ENOX2: variants seen among roughly 807,000 people sequenced by gnomAD.
ENOX2 encodes APK1 antigen.
In ENOX2, 36 loss-of-function variants were observed where a neutral mutation model predicts 45.0. The ratio of observed to expected loss-of-function variants is 0.80; its 90% confidence interval spans 0.61 to 1.06. The LOEUF is 1.06. Among genes scored for constraint, ENOX2 ranks in the 50% least tolerant of loss-of-function variants. The pLI is 0.00. For synonymous variants in ENOX2, 174 were observed against 152.3 expected (o/e 1.14, Z -1.05); for missense variants, 423 against 462.5 (o/e 0.91, Z 0.78).
chrX:130,860,025 G>T (rs938577311), intron 2 of ENOX2, among the ~76,000 whole-genome samples: 1 of 108,516 alleles, frequency 9.2e-6, no homozygotes, highest in South Asian at 4.1e-4. Context: ...GCACGATCTC[G>T]GCTCACTGCA....
intron 2 of ENOX2, among the ~76,000 whole-genome samples, chrX:130,897,601 T>G (rs1229263232): frequency 8.9e-6 from 1 of 112,240 alleles, no homozygotes; most frequent in Non-Finnish European, 1.9e-5. Flanking sequence ...TGGCATAAAA[T>G]AGCTAATCCA....
At chrX:130,768,962 TC>T (rs369844315) in intron 3 of ENOX2, among the ~76,000 whole-genome samples, 362 of 111,512 alleles carry the variant, frequency 3.2e-3, no homozygotes, top group African/African-American at 0.011. Context: ...AGATTCATAG[TC>T]TTTTTTTTAA....
chrX:130,855,519 G>A (rs1014240885), intron 2 of ENOX2, among the ~76,000 whole-genome samples: 4 of 111,533 alleles, frequency 3.6e-5, no homozygotes, highest in African/African-American at 6.5e-5. Flanking sequence ...TCAAAATGAC[G>A]TATTGGTTAA....
In ENOX2 at chrX:130,632,365, G is replaced by GGGGC. The variant is rs1556405704; in HGVS notation, c.1420-790_1420-789insGCCC. 5.0e-3 allele frequency among the ~76,000 whole-genome samples: 27 copies of GGGGC among 5,381 alleles called. 2 individuals are homozygous for GGGGC. In the East Asian group the frequency reaches 0.074, roughly 15 times the overall value. 4.7% of individuals were successfully genotyped at this position (5,381 alleles called of 115,157 possible). Reference sequence around the variant, plus strand: ...CTTTCAGAATGTAGCAGGAAGGGGCGGGGGGGGGGGGTGGTCCTAAGAGAA... The same window carrying GGGGC: ...CTTTCAGAATGTAGCAGGAAGGGGCGGGGCGGGGGGGGGGGTGGTCCTAAGAGAA... On this transcript the variant is annotated intron_variant, in intron 12 of 14. Coordinates refer to ENST00000394363, the MANE Select transcript of ENOX2 (RefSeq NM_006375.4).
intron 3 of ENOX2, among the ~76,000 whole-genome samples, chrX:130,714,133 C>T (rs1301097049): frequency 8.9e-6 from 1 of 111,913 alleles, no homozygotes; most frequent in East Asian, 2.8e-4. Flanking sequence ...AACCCCACAT[C>T]AGTCCTGGGG....
At chrX:130,826,729 GA>G (rs1165291722) in intron 2 of ENOX2, among the ~76,000 whole-genome samples, 14 of 111,873 alleles carry the variant, frequency 1.3e-4, no homozygotes, top group African/African-American at 4.2e-4. Context: ...AGTGAAGGAA[GA>G]AAATCCTAGA....
intron 2 of ENOX2, among the ~76,000 whole-genome samples, chrX:130,795,416 A>G (rs1265070395): frequency 8.9e-6 from 1 of 112,226 alleles, no homozygotes; most frequent in Non-Finnish European, 1.9e-5. Flanking sequence ...TGTATAAAAA[A>G]AAAGTAGGAT....
chrX:130,816,079 A>G (rs888068638), intron 2 of ENOX2, among the ~76,000 whole-genome samples: 2 of 111,576 alleles, frequency 1.8e-5, no homozygotes, highest in African/African-American at 3.3e-5. Context: ...AAGCAAAACA[A>G]AAACAAACAA....
At chrX:130,691,828 A>C (rs1337862442) in intron 4 of ENOX2, among the ~76,000 whole-genome samples, 10 of 112,944 alleles carry the variant, frequency 8.9e-5, no homozygotes, top group African/African-American at 3.2e-4. Context: ...TTGGCTGAGA[A>C]GGAAATGTCT....
At chrX:130,790,861 T>C (rs182386845) in intron 2 of ENOX2, among the ~76,000 whole-genome samples, 187 of 112,866 alleles carry the variant, frequency 1.7e-3, no homozygotes, top group Admixed American at 0.015. Flanking sequence ...ATTGGTTGTT[T>C]AGGATGTGCT....
intron 3 of ENOX2, among the ~76,000 whole-genome samples, chrX:130,710,526 A>G (rs1324644038): frequency 1.8e-5 from 2 of 111,594 alleles, no homozygotes; most frequent in Non-Finnish European, 3.8e-5. Flanking sequence ...TCTGCTAAAC[A>G]TCCTACAATG....
chrX:130,748,907 C>T (rs1165046906), intron 3 of ENOX2, among the ~76,000 whole-genome samples: 1 of 111,567 alleles, frequency 9.0e-6, no homozygotes, highest in Non-Finnish European at 1.9e-5. Context: ...GCTGTCTTAG[C>T]AAAGCACAAA....
intron 3 of ENOX2, among the ~76,000 whole-genome samples, chrX:130,754,221 C>T (rs887702459): frequency 9.0e-6 from 1 of 111,520 alleles, no homozygotes; most frequent in African/African-American, 3.3e-5. Context: ...TGGAAAAAGA[C>T]AAAAAAGAAG....
At chrX:130,661,397 C>A (rs2036684505) in intron 9 of ENOX2, among the ~76,000 whole-genome samples, 1 of 110,275 alleles carries the variant, frequency 9.1e-6, no homozygotes, top group African/African-American at 3.3e-5. Context: ...CCATGTTGCC[C>A]AAGCTGGTCT....
intron 3 of ENOX2, among the ~76,000 whole-genome samples, chrX:130,720,279 T>C (rs2038441413): frequency 8.9e-6 from 1 of 112,400 alleles, no homozygotes; most frequent in African/African-American, 3.2e-5. Context: ...CAGGTCGATA[T>C]TGATGGGCTT....
chrX:130,784,005 T>C (rs778827078), intron 2 of ENOX2, among the ~76,000 whole-genome samples: 1 of 112,094 alleles, frequency 8.9e-6, no homozygotes, highest in South Asian at 3.8e-4. Flanking sequence ...CCACTGTTCC[T>C]TGTAAAAAGT....
chrX:130,883,511 C>T (rs1343638330), intron 2 of ENOX2, among the ~76,000 whole-genome samples: 1 of 111,509 alleles, frequency 9.0e-6, no homozygotes, highest in African/African-American at 3.3e-5. Flanking sequence ...TTTAGCAGCC[C>T]CATTTGCAGT....
At chrX:130,656,838 A>C in intron 9 of ENOX2, 143 bp from the exon 10 acceptor site, 2 of 431,327 alleles carry the variant, frequency 4.6e-6, no homozygotes, top group Middle Eastern at 1.2e-3. Context: ...GCAAAGAGGC[A>C]TGTTGAAAGT....
intron 2 of ENOX2, among the ~76,000 whole-genome samples, chrX:130,884,616 T>C (rs1159018373): frequency 8.9e-6 from 1 of 111,761 alleles, no homozygotes; most frequent in Non-Finnish European, 1.9e-5. Flanking sequence ...TGGCTTTAAA[T>C]AGTATTCCTT....
Sources: allele counts gnomAD v4.1 joint callset (sites outside exome capture counted in the v4.1 genomes callset), GRCh38; gene constraint gnomAD v4.1.1; transcripts MANE v1.5; gene names NCBI Gene and HGNC (gene_info 2026-07-23, HGNC 2026-07-21).